ST7: variants seen among roughly 807,000 people sequenced by gnomAD.
ST7 encodes the protein suppressor of tumorigenicity 7 protein.
ST7 carries 28 observed loss-of-function variants against 78.7 expected under a neutral mutation model. The observed-to-expected ratio is 0.36, with a 90% CI of 0.26 to 0.49. The LOEUF (loss-of-function observed/expected upper bound fraction) is 0.49, where lower values mean the gene tolerates loss of function less well. Among genes scored for constraint, ST7 ranks in the 20% least tolerant of loss-of-function variants. ST7 has a pLI of 0.99. For missense variants in ST7, 418 were observed against 696.0 expected, an observed-to-expected ratio of 0.60 and a Z score of 4.49; for synonymous variants, 247 against 249.6, an observed-to-expected ratio of 0.99 and a Z score of 0.10.
chr7:117,214,290 C>A (rs1584621470), intron 13 of ST7, among the ~76,000 whole-genome samples: 1 of 151,854 alleles, frequency 6.6e-6, no homozygotes, highest in Non-Finnish European at 1.5e-5. Flanking sequence ...TTTTAGAGAT[C>A]CCCCCGCCCC....
chr7:117,134,008 T>G (rs1804577753), intron 6 of ST7, 116 bp from the exon 7 acceptor site: 3 of 1,370,582 alleles, frequency 2.2e-6, no homozygotes, highest in Non-Finnish European at 2.9e-6. Context: ...TCTTTGAATT[T>G]TTTGAAGTCC....
intron 1 of ST7, among the ~76,000 whole-genome samples, chr7:116,956,222 T>C (rs1338124484): frequency 6.6e-6 from 1 of 152,224 alleles, no homozygotes; most frequent in African/African-American, 2.4e-5. Context: ...TGTTGTCAAC[T>C]TAATTCCCTC....
At chr7:117,151,743 T>C (rs1806262027) in intron 9 of ST7, among the ~76,000 whole-genome samples, 3 of 152,162 alleles carry the variant, frequency 2.0e-5, no homozygotes, top group Non-Finnish European at 4.4e-5. Flanking sequence ...GATGGATGGC[T>C]GAATGCCTGT....
chr7:117,213,447 G>A (rs1290372476), intron 13 of ST7, among the ~76,000 whole-genome samples: 1 of 152,146 alleles, frequency 6.6e-6, no homozygotes, highest in African/African-American at 2.4e-5. Flanking sequence ...TTCTCTGGGA[G>A]TAGGGGTGGA....
chr7:116,992,275 G>A (rs1275944389), intron 1 of ST7, among the ~76,000 whole-genome samples: 1 of 152,230 alleles, frequency 6.6e-6, no homozygotes, highest in African/African-American at 2.4e-5. Context: ...CCCTAGCAGA[G>A]GTTCTCCATG....
At chr7:117,049,751 G>C (rs1797673540) in intron 1 of ST7, among the ~76,000 whole-genome samples, 1 of 152,178 alleles carries the variant, frequency 6.6e-6, no homozygotes, top group South Asian at 2.1e-4. Flanking sequence ...GGCAACCACA[G>C]CTGGAGACCT....
chr7:117,084,412 C>T (rs1056610553), intron 1 of ST7, among the ~76,000 whole-genome samples: 4 of 152,214 alleles, frequency 2.6e-5, no homozygotes, highest in Non-Finnish European at 2.9e-5. Context: ...CCTGTGAACA[C>T]ATGCTTGGGT....
At chr7:117,189,691 A>G (rs953426605) in intron 11 of ST7, among the ~76,000 whole-genome samples, 1 of 152,202 alleles carries the variant, frequency 6.6e-6, no homozygotes, top group Non-Finnish European at 1.5e-5. Flanking sequence ...GACTTAACAC[A>G]GAATACCATC....
intron 1 of ST7, among the ~76,000 whole-genome samples, chr7:117,080,023 C>T (rs1799643382): frequency 7.2e-6 from 1 of 138,818 alleles, no homozygotes; most frequent in Non-Finnish European, 1.5e-5. Flanking sequence ...CTCTGTCGCC[C>T]AGGCTGGAGT....
At chr7:117,103,752 T>C (rs1563083666) in intron 2 of ST7, among the ~76,000 whole-genome samples, 2 of 152,100 alleles carry the variant, frequency 1.3e-5, no homozygotes, top group African/African-American at 2.4e-5. Flanking sequence ...CAAATGGGAT[T>C]ATATCAAGTT....
In ST7 at chr7:117,223,972, T is replaced by C. The variant is rs555881502; in HGVS notation, c.1638+1910T>C. On this transcript the variant is annotated intron_variant, in intron 15 of 15. Coordinates refer to ENST00000323984, the MANE Select transcript of ST7 (RefSeq NM_001369598.1). ...ATCAGATACAGCTTAGTATTTTTTT[T>C]TCTCTTCTTGTATACTTATAATCAT... is the stretch of plus-strand genomic sequence containing the variant. The C allele has an allele frequency of 4.1e-6, 4 of 976,250 alleles. No individual in the cohort carries two copies. In the South Asian group the frequency reaches 1.9e-4, roughly 46 times the overall value. The allele number at this position is 976,250 out of a possible 1,614,324, so 60.5% of individuals were successfully genotyped here.
rs925724811 is a variant in ST7 at position 117,224,018 on chromosome 7, G to A, written c.1638+1956G>A. 6 of 886,102 alleles carry A rather than the reference G, an allele frequency of 6.8e-6. No homozygotes were observed. In the African/African-American group the frequency reaches 7.3e-5, roughly 11 times the overall value. 54.9% of individuals were successfully genotyped at this position (886,102 alleles called of 1,614,324 possible). A position where few individuals can be genotyped will look rare whatever the true frequency, so the allele number is the denominator to read the frequency against. On this transcript the variant is annotated intron_variant, in intron 15 of 15. Coordinates refer to ENST00000323984, the MANE Select transcript of ST7 (RefSeq NM_001369598.1). ...ATCATAGCCTCTTAGAGTTGAAAGG[G>A]ACCTGAAGCAAATTGCCTTTAATAG...
At chr7:117,201,236 TTTTGGA>T (rs1469642414) in intron 12 of ST7, among the ~76,000 whole-genome samples, 1 of 152,206 alleles carries the variant, frequency 6.6e-6, no homozygotes, top group African/African-American at 2.4e-5. Flanking sequence ...TCCAAAGCTT[TTTTGGA>T]TTAGAGTAAG....
At chr7:117,096,067 CAAAAAAAAAAA>C (rs35970973) in intron 1 of ST7, among the ~76,000 whole-genome samples, 559 of 35,708 alleles carry the variant, frequency 0.016, 4 homozygotes, top group African/African-American at 0.05. Context: ...GATTCTGCCT[CAAAAAAAAAAA>C]AAAAAAAAAA....
intron 1 of ST7, among the ~76,000 whole-genome samples, chr7:116,992,041 G>A (rs1794456024): frequency 1.3e-5 from 2 of 152,188 alleles, no homozygotes; most frequent in Admixed American, 1.3e-4. Flanking sequence ...ATGGCCTTGG[G>A]CAGCTCTGCC....
chr7:117,173,183 CAG>C (rs1439938413), intron 10 of ST7, among the ~76,000 whole-genome samples: 7 of 152,176 alleles, frequency 4.6e-5, no homozygotes, highest in Admixed American at 2.0e-4. Flanking sequence ...TACCTGGCAA[CAG>C]AGATGATGTT....
At position 117,230,090 on chromosome 7, in the gene ST7, G is replaced by A. The variant is rs769719085; in HGVS notation, c.*233G>A. 28 of 688,004 alleles carry A rather than the reference G, an allele frequency of 4.1e-5. No homozygotes were observed. Among genetic ancestry groups the A allele is most frequent in the South Asian group, 3.4e-4 (22 of 65,072 alleles). The allele number at this position is 688,004 out of a possible 1,614,324, so 42.6% of individuals were successfully genotyped here. On this transcript the variant is annotated 3_prime_UTR_variant, in exon 16 of 16. Coordinates refer to ENST00000323984, the MANE Select transcript of ST7 (RefSeq NM_001369598.1). The stretch of plus-strand genomic sequence containing the variant: ...GAAGAAAGTCAAAAATAAAACTTTT[G>A]TGTATTACAGCAATCATTTGTATCC...
intron 8 of ST7, among the ~76,000 whole-genome samples, chr7:117,138,116 C>G (rs1396862783): frequency 6.6e-6 from 1 of 152,074 alleles, no homozygotes; most frequent in Non-Finnish European, 1.5e-5. Context: ...GCATCTTTAC[C>G]AAAAGAATGC....
At chr7:117,146,021 GAGAAC>G (rs1805760336) in intron 9 of ST7, 1 of 152,154 alleles carries the variant, frequency 6.6e-6, no homozygotes, top group Non-Finnish European at 1.5e-5. Flanking sequence ...ATTCCCAGCT[GAGAAC>G]TACAGGGTTT....
Sources: gnomAD v4.1 joint callset for allele counts (sites outside exome capture counted in the v4.1 genomes callset) on GRCh38, gnomAD v4.1.1 for gene constraint, MANE v1.5 for transcripts, NCBI Gene and HGNC (gene_info 2026-07-23, HGNC 2026-07-21) for gene names.